CPEB3: variants seen among roughly 807,000 people sequenced by gnomAD.
The protein encoded by CPEB3 is cytoplasmic polyadenylation element-binding protein 3.
CPEB3 carries 20 observed loss-of-function variants against 67.2 expected under a neutral mutation model. The ratio of observed to expected loss-of-function variants is 0.30; its 90% confidence interval spans 0.21 to 0.43. The LOEUF is 0.43. Among genes scored for constraint, CPEB3 ranks in the 20% least tolerant of loss-of-function variants. The pLI, the probability that CPEB3 is intolerant of heterozygous loss-of-function variation, is 1.00. For missense variants in CPEB3, 746 were observed against 968.6 expected, an observed-to-expected ratio of 0.77 and a Z score of 3.05; for synonymous variants, 376 against 393.1, an observed-to-expected ratio of 0.96 and a Z score of 0.51.
intron 1 of CPEB3, among the ~76,000 whole-genome samples, chr10:92,241,298 GC>G (rs1851842453): frequency 6.7e-6 from 1 of 149,652 alleles, no homozygotes; most frequent in Non-Finnish European, 1.5e-5. Context: ...GCGCGAGCGA[GC>G]GAGCGCCTGT....
chr10:92,146,418 C>A (rs1846684621), intron 4 of CPEB3, among the ~76,000 whole-genome samples: 2 of 151,650 alleles, frequency 1.3e-5, no homozygotes, highest in South Asian at 2.1e-4. Context: ...GGAAAATTCC[C>A]CTCTAAAATA....
rs1187833316 is a variant in CPEB3, at chr10:92,272,628, T to A, written c.-12+18298A>T. 7.2e-5 allele frequency among the ~76,000 whole-genome samples: 11 copies of A among 152,302 alleles called. No homozygotes were observed. The East Asian group carries it at 1.9e-3, about 27-fold the overall frequency. On this transcript the variant is annotated intron_variant, in intron 1 of 9. Transcript: ENST00000265997. ...CCAAATATTTAGTGAACACCCTCCATGGGCCAGGCTCTGTACTAGGCACTG... is the reference window on the plus strand; with the variant it reads ...CCAAATATTTAGTGAACACCCTCCAAGGGCCAGGCTCTGTACTAGGCACTG...
chr10:92,288,621 G>A (rs961667529), intron 1 of CPEB3, among the ~76,000 whole-genome samples: 7 of 152,094 alleles, frequency 4.6e-5, no homozygotes, highest in Non-Finnish European at 7.4e-5. Flanking sequence ...ACTTTAAAAG[G>A]TTTTTGACAC....
At chr10:92,250,858 A>ATTTTTTTTTTTTT (rs1211646953) in intron 1 of CPEB3, among the ~76,000 whole-genome samples, 14 of 104,116 alleles carry the variant, frequency 1.3e-4, no homozygotes, top group Non-Finnish European at 2.3e-4. Flanking sequence ...CACACAGTTA[A>ATTTTTTTTTTTTT]TTTTTTTTTT....
In CPEB3 at chr10:92,286,323, GC is replaced by G. The variant is rs1842524323; in HGVS notation, c.-12+4602del. On this transcript the variant is annotated intron_variant, in intron 1 of 9. Transcript: ENST00000265997. ...CTATAGGCCAGGCACAGTGGCTCAT[GC>G]CTGCAATCTCAGCACTTTGGGAGGC... Among the ~76,000 whole-genome samples, 4 of 152,210 alleles carry G rather than the reference GC, an allele frequency of 2.6e-5. No homozygotes were observed. In the South Asian group the frequency reaches 8.3e-4, roughly 32 times the overall value.
At chr10:92,124,269 C>G (rs1845517171) in intron 6 of CPEB3, among the ~76,000 whole-genome samples, 2 of 152,190 alleles carry the variant, frequency 1.3e-5, no homozygotes, top group African/African-American at 4.8e-5. Context: ...ACTATATATT[C>G]CTAATGACTT....
chr10:92,278,945 C>T lies in CPEB3; in HGVS notation c.-12+11981G>A, dbSNP rs556475015. ...TGTTTTTATTATTTTTTTTTTTATT[C>T]TTGGAATTTTCTAAATACAAGATCA... On this transcript the variant is annotated intron_variant, in intron 1 of 9. Coordinates refer to ENST00000265997, the MANE Select transcript of CPEB3 (RefSeq NM_014912.5). Among the ~76,000 whole-genome samples, 219 of 150,852 alleles carry T rather than the reference C, an allele frequency of 1.5e-3. 1 individual carries two copies. Among genetic ancestry groups the T allele is most frequent in the African/African-American group, 4.9e-3 (203 of 41,128 alleles).
intron 7 of CPEB3, among the ~76,000 whole-genome samples, chr10:92,102,010 A>G (rs1417831268): frequency 6.6e-6 from 1 of 152,216 alleles, no homozygotes; most frequent in Non-Finnish European, 1.5e-5. Context: ...TAAGAGCCAC[A>G]ACAATAATTG....
intron 2 of CPEB3, among the ~76,000 whole-genome samples, chr10:92,209,679 G>A (rs369683039): frequency 5.3e-5 from 8 of 151,884 alleles, no homozygotes; most frequent in African/African-American, 1.7e-4. Flanking sequence ...AGCAGCTCAC[G>A]CTTGTAATCC....
chr10:92,148,381 T>G (rs2133866727), intron 4 of CPEB3, among the ~76,000 whole-genome samples: 1 of 152,288 alleles, frequency 6.6e-6, no homozygotes. Context: ...ATTTCCTAAT[T>G]AATTCCTATT....
At chr10:92,211,328 T>C (rs1197656738) in intron 2 of CPEB3, among the ~76,000 whole-genome samples, 2 of 152,200 alleles carry the variant, frequency 1.3e-5, no homozygotes, top group African/African-American at 4.8e-5. Flanking sequence ...TTGTAAATTA[T>C]AGATTATATC....
intron 9 of CPEB3, among the ~76,000 whole-genome samples, chr10:92,061,419 CAAAAAAAA>C (rs148327302): frequency 9.6e-5 from 9 of 93,354 alleles, no homozygotes; most frequent in Non-Finnish European, 1.3e-4. Context: ...AATTCTGTCT[CAAAAAAAA>C]AAAAAAAAAA....
At chr10:92,262,616 G>T (rs187631080) in intron 1 of CPEB3, among the ~76,000 whole-genome samples, 6 of 152,014 alleles carry the variant, frequency 3.9e-5, no homozygotes, top group Admixed American at 1.3e-4. Flanking sequence ...GGAGGCTGAG[G>T]GGGGAGGATT....
At chr10:92,183,235 A>G (rs1848541824) in intron 3 of CPEB3, among the ~76,000 whole-genome samples, 1 of 152,190 alleles carries the variant, frequency 6.6e-6, no homozygotes, top group African/African-American at 2.4e-5. Flanking sequence ...ACTAGAAGCT[A>G]ATTATTAGGA....
intron 3 of CPEB3, among the ~76,000 whole-genome samples, chr10:92,191,094 A>C (rs1049147269): frequency 6.6e-6 from 1 of 152,110 alleles, no homozygotes; most frequent in Admixed American, 6.6e-5. Context: ...AAAGTCAAAA[A>C]CTTTTTTTTA....
At chr10:92,275,516 GTTA>G (rs1841937368) in intron 1 of CPEB3, among the ~76,000 whole-genome samples, 2 of 152,160 alleles carry the variant, frequency 1.3e-5, no homozygotes, top group Admixed American at 6.6e-5. Flanking sequence ...TGCATCTGGT[GTTA>G]TTATTAAATA....
intron 2 of CPEB3, among the ~76,000 whole-genome samples, chr10:92,232,143 C>T (rs1164182727): frequency 2.0e-5 from 3 of 151,582 alleles, no homozygotes; most frequent in Middle Eastern, 3.4e-3. Context: ...ACCTCCAGCT[C>T]CCAGGCTCAA....
chr10:92,234,362 T>C (rs754879982), intron 2 of CPEB3, among the ~76,000 whole-genome samples: 5 of 152,228 alleles, frequency 3.3e-5, no homozygotes, highest in Admixed American at 2.6e-4. Context: ...TGAATCTTCA[T>C]GGTGGCATAC....
At chr10:92,137,274 T>C (rs894733602) in intron 6 of CPEB3, 2 of 625,152 alleles carry the variant, frequency 3.2e-6, no homozygotes, top group Non-Finnish European at 5.7e-6. Context: ...CCAACGTGCA[T>C]GCTGAGGTGC....
Sources: gnomAD v4.1 joint callset for allele counts (sites outside exome capture counted in the v4.1 genomes callset) on GRCh38, gnomAD v4.1.1 for gene constraint, MANE v1.5 for transcripts, NCBI Gene and HGNC (gene_info 2026-07-23, HGNC 2026-07-21) for gene names.